The following PAK5 variants were observed in gnomAD, a reference collection of about 807,000 sequenced individuals.
The protein encoded by PAK5 is p21 (RAC1) activated kinase 5.
Under a neutral mutation model 65.9 loss-of-function variants are expected in PAK5, and 16 were observed. The ratio of observed to expected loss-of-function variants is 0.24; its 90% CI spans 0.16 to 0.37. The LOEUF is 0.37. Among genes scored for constraint, PAK5 ranks in the 10% least tolerant of loss-of-function variants. The pLI is 1.00. For synonymous variants in PAK5, 371 were observed against 354.9 expected (o/e 1.05, Z -0.51); for missense variants, 785 against 903.9 (o/e 0.87, Z 1.69).
chr20:9,833,649 A>G (rs1440631471), intron 1 of PAK5, among the ~76,000 whole-genome samples: 1 of 151,930 alleles, frequency 6.6e-6, no homozygotes, highest in Non-Finnish European at 1.5e-5. Context: ...TTTTATTTTT[A>G]TATGGTGATT....
At chr20:9,599,743 A>T (rs927522999) in intron 3 of PAK5, among the ~76,000 whole-genome samples, 1 of 152,066 alleles carries the variant, frequency 6.6e-6, no homozygotes, top group Non-Finnish European at 1.5e-5. Context: ...ATTTTTCTAT[A>T]TTCTGGGTAT....
chr20:9,751,931 A>T (rs2048581701), intron 1 of PAK5, among the ~76,000 whole-genome samples: 2 of 152,200 alleles, frequency 1.3e-5, no homozygotes, highest in African/African-American at 4.8e-5. Context: ...ATGTGCAATG[A>T]TGTGCATAAT....
At chr20:9,790,879 A>T (rs943170307) in intron 1 of PAK5, among the ~76,000 whole-genome samples, 3 of 151,954 alleles carry the variant, frequency 2.0e-5, no homozygotes, top group Non-Finnish European at 4.4e-5. Context: ...GAGATATCTC[A>T]CTCTGTACCA....
At chr20:9,587,592 T>C (rs1477935488) in intron 3 of PAK5, among the ~76,000 whole-genome samples, 1 of 152,150 alleles carries the variant, frequency 6.6e-6, no homozygotes, top group Non-Finnish European at 1.5e-5. Context: ...GTGATTTATA[T>C]TTCAGTCCAG....
At chr20:9,797,093 G>A (rs377611780) in intron 1 of PAK5, among the ~76,000 whole-genome samples, 10 of 151,492 alleles carry the variant, frequency 6.6e-5, no homozygotes, top group African/African-American at 2.4e-4. Flanking sequence ...TAACTGGTGT[G>A]AGATGGTATC....
intron 1 of PAK5, among the ~76,000 whole-genome samples, chr20:9,739,100 C>T (rs546339692): frequency 1.3e-5 from 2 of 152,266 alleles, no homozygotes; most frequent in East Asian, 3.9e-4. Flanking sequence ...ACAAATGCTT[C>T]AGGTACTTTA....
chr20:9,586,201 T>C (rs1446085758), intron 3 of PAK5, among the ~76,000 whole-genome samples: 2 of 152,142 alleles, frequency 1.3e-5, no homozygotes, highest in African/African-American at 4.8e-5. Context: ...ATGTCTGTGA[T>C]GGGGGGTAGA....
At chr20:9,633,054 G>A (rs1033639607) in intron 3 of PAK5, among the ~76,000 whole-genome samples, 1 of 152,148 alleles carries the variant, frequency 6.6e-6, no homozygotes, top group African/African-American at 2.4e-5. Flanking sequence ...GATAGTATCA[G>A]TCAGTTGTCC....
chr20:9,834,016 T>C (rs1978949772), intron 1 of PAK5, among the ~76,000 whole-genome samples: 1 of 152,208 alleles, frequency 6.6e-6, no homozygotes, highest in Non-Finnish European at 1.5e-5. Flanking sequence ...ATGTATTTTA[T>C]AACCAAAAAC....
At chr20:9,610,847 G>A (rs979656968) in intron 3 of PAK5, among the ~76,000 whole-genome samples, 4 of 152,174 alleles carry the variant, frequency 2.6e-5, no homozygotes, top group African/African-American at 9.7e-5. Context: ...TGTCATGAAT[G>A]AGATTAGTGC....
intron 3 of PAK5, among the ~76,000 whole-genome samples, chr20:9,596,123 C>T (rs1175064359): frequency 2.0e-5 from 3 of 152,186 alleles, no homozygotes; most frequent in African/African-American, 7.2e-5. Flanking sequence ...AAATTCCTCT[C>T]AATGACCACT....
At position 9,539,286 on chromosome 20, in the gene PAK5, C is replaced by A; in HGVS notation, c.*176G>T. The A allele has an allele frequency of 1.6e-6, 1 of 608,912 alleles. No individual in the cohort carries two copies. The highest frequency in any genetic ancestry group is 2.6e-5 in the East Asian group (1 of 38,996). 37.7% of individuals were successfully genotyped at this position (608,912 alleles called of 1,614,324 possible). On this transcript the variant is annotated 3_prime_UTR_variant, in exon 10 of 10. Transcript: ENST00000353224. ...CACACCGGCTGTCAGTGGAGAGATG[C>A]CTGTTTAAGACACAAGAAGATGCCC...
intron 3 of PAK5, among the ~76,000 whole-genome samples, chr20:9,631,037 C>T (rs1179596754): frequency 1.3e-5 from 2 of 152,166 alleles, no homozygotes; most frequent in African/African-American, 4.8e-5. Flanking sequence ...TCCATCAATA[C>T]CTAATCACAA....
chr20:9,720,327 G>A (rs2123516602), intron 1 of PAK5, among the ~76,000 whole-genome samples: 1 of 152,136 alleles, frequency 6.6e-6, no homozygotes, highest in East Asian at 1.9e-4. Flanking sequence ...AAGGAGCTAT[G>A]ACCAAAAAAA....
At chr20:9,737,074 G>A (rs985619838) in intron 1 of PAK5, among the ~76,000 whole-genome samples, 11 of 151,114 alleles carry the variant, frequency 7.3e-5, no homozygotes, top group African/African-American at 2.7e-4. Flanking sequence ...CATTGAAAGT[G>A]AAATAAAGAT....
intron 1 of PAK5, among the ~76,000 whole-genome samples, chr20:9,785,082 A>C (rs1001559840): frequency 1.3e-5 from 2 of 152,060 alleles, no homozygotes; most frequent in African/African-American, 4.8e-5. Flanking sequence ...ACAAGTTTTA[A>C]CTTGTATCAA....
At chr20:9,766,252 A>G (rs1279387590) in intron 1 of PAK5, among the ~76,000 whole-genome samples, 1 of 148,066 alleles carries the variant, frequency 6.8e-6, no homozygotes, top group African/African-American at 2.5e-5. Flanking sequence ...AAATATATAT[A>G]TATGTTCTAA....
At chr20:9,815,451 A>C (rs2049345484) in intron 1 of PAK5, among the ~76,000 whole-genome samples, 1 of 152,114 alleles carries the variant, frequency 6.6e-6, no homozygotes, top group South Asian at 2.1e-4. Context: ...CTCCCTTCTG[A>C]AGCAGCTCTA....
chr20:9,733,875 A>AG (rs2048360657), intron 1 of PAK5, among the ~76,000 whole-genome samples: 1 of 152,234 alleles, frequency 6.6e-6, no homozygotes, highest in African/African-American at 2.4e-5. Context: ...GCTCAGAAGC[A>AG]TACCACTACG....
Sources: gnomAD v4.1 joint callset for allele counts (sites outside exome capture counted in the v4.1 genomes callset) on GRCh38, gnomAD v4.1.1 for gene constraint, MANE v1.5 for transcripts, NCBI Gene and HGNC (gene_info 2026-07-23, HGNC 2026-07-21) for gene names.